Variants in CD9 observed in about 807,000 individuals in gnomAD.
CD9 encodes the protein CD9 antigen.
CD9 carries 10 observed loss-of-function variants against 31.4 expected under a neutral mutation model. That is an observed-to-expected ratio of 0.32 (90% CI 0.20 to 0.54). CD9 has a LOEUF of 0.54. Among genes scored for constraint, CD9 ranks in the 20% least tolerant of loss-of-function variants. The pLI is 0.94. For synonymous variants in CD9, 113 were observed against 114.1 expected (o/e 0.99, Z 0.06); for missense variants, 259 against 300.1 (o/e 0.86, Z 1.01).
upstream of CD9, chr12:6,200,366 C>T: frequency 1.8e-6 from 1 of 568,678 alleles, no homozygotes; most frequent in Non-Finnish European, 3.3e-6. Context: ...TAAGGAGTGG[C>T]ACTTTTTAAA....
intron 1 of CD9, among the ~76,000 whole-genome samples, chr12:6,206,706 G>A (rs969704304): frequency 4.6e-5 from 7 of 151,972 alleles, no homozygotes; most frequent in Non-Finnish European, 7.4e-5. Context: ...TATAATAATT[G>A]TATCTATCTG....
chr12:6,217,591 G>T (rs1055286316), intron 1 of CD9, among the ~76,000 whole-genome samples: 1 of 152,122 alleles, frequency 6.6e-6, no homozygotes, highest in Non-Finnish European at 1.5e-5. Flanking sequence ...CAGGCCCTAG[G>T]TGGCACAGCT....
chr12:6,206,137 C>G (rs1946128212), intron 1 of CD9: 1 of 132,314 alleles, frequency 7.6e-6, no homozygotes, highest in African/African-American at 3.0e-5. Context: ...TCCTTTGCAA[C>G]TGGGAAGGAA....
At chr12:6,235,374 T>G in intron 5 of CD9, 47 bp downstream of exon 5, 24 of 1,614,172 alleles carry the variant, frequency 1.5e-5, no homozygotes, top group Non-Finnish European at 1.9e-5. Context: ...CTCCGGATTG[T>G]GTCTGCACAC....
intron 7 of CD9, 131 bp downstream of exon 7, chr12:6,236,406 AT>A: frequency 1.3e-6 from 1 of 745,910 alleles, no homozygotes; most frequent in Non-Finnish European, 2.2e-6. Flanking sequence ...TAGTATTTCC[AT>A]TTTACCACTA....
At chr12:6,217,265 G>A (rs1189626374) in intron 1 of CD9, among the ~76,000 whole-genome samples, 1 of 152,092 alleles carries the variant, frequency 6.6e-6, no homozygotes, top group Non-Finnish European at 1.5e-5. Context: ...GCTCACACCT[G>A]TAATCCCAAG....
At chr12:6,215,420 G>T (rs908498035) in intron 1 of CD9, among the ~76,000 whole-genome samples, 2 of 152,216 alleles carry the variant, frequency 1.3e-5, no homozygotes, top group Non-Finnish European at 2.9e-5. Context: ...GGAAAACAGA[G>T]TGCCGGCCCA....
intron 1 of CD9, among the ~76,000 whole-genome samples, chr12:6,212,239 GC>G (rs1323214991): frequency 6.6e-6 from 1 of 152,150 alleles, no homozygotes; most frequent in Non-Finnish European, 1.5e-5. Context: ...GTGACCACGG[GC>G]AAGTCGCTTT....
intron 4 of CD9, among the ~76,000 whole-genome samples, chr12:6,234,115 G>T (rs1946486168): frequency 6.6e-6 from 1 of 151,768 alleles, no homozygotes; most frequent in Admixed American, 6.6e-5. Context: ...AACCTTGAAT[G>T]AGAGATGCGT....
At chr12:6,204,841 A>C (rs1277962241) in intron 1 of CD9, among the ~76,000 whole-genome samples, 1 of 152,230 alleles carries the variant, frequency 6.6e-6, no homozygotes, top group Non-Finnish European at 1.5e-5. Context: ...AGATGTGGCC[A>C]GGAGGACCCT....
At chr12:6,202,174 T>A (rs1946085362) in intron 1 of CD9, among the ~76,000 whole-genome samples, 1 of 152,186 alleles carries the variant, frequency 6.6e-6, no homozygotes, top group Non-Finnish European at 1.5e-5. Flanking sequence ...TTTTCCAATT[T>A]GCAGAGACTG....
intron 3 of CD9, chr12:6,233,069 G>A (rs995771252): frequency 8.5e-6 from 6 of 702,078 alleles, no homozygotes; most frequent in Admixed American, 6.0e-5. Context: ...TCCACGGAGT[G>A]GATTCGCTCC....
intron 2 of CD9, among the ~76,000 whole-genome samples, chr12:6,228,641 C>T (rs551234661): frequency 6.6e-5 from 10 of 151,852 alleles, no homozygotes; most frequent in South Asian, 4.2e-4. Flanking sequence ...CGTCACTGAA[C>T]GCTTTAGGAA....
intron 1 of CD9, among the ~76,000 whole-genome samples, chr12:6,212,639 A>G (rs1159550516): frequency 3.3e-5 from 5 of 152,236 alleles, no homozygotes; most frequent in Admixed American, 2.0e-4. Context: ...GGGCACCAAC[A>G]ATGCAGGCAG....
upstream of CD9, chr12:6,200,056 A>C (rs1591958689): frequency 6.6e-6 from 1 of 152,368 alleles, no homozygotes; most frequent in African/African-American, 2.4e-5. Flanking sequence ...GGGGAACCGG[A>C]AGGGCGAGGC....
At chr12:6,223,660 C>T (rs190562151) in intron 1 of CD9, among the ~76,000 whole-genome samples, 1 of 152,122 alleles carries the variant, frequency 6.6e-6, no homozygotes, top group Admixed American at 6.5e-5. Context: ...TGTCTAGTCC[C>T]TTGTGTACGT....
At chr12:6,225,275 C>T (rs1946348632) in intron 1 of CD9, 151 bp from the exon 2 acceptor site, 1 of 614,226 alleles carries the variant, frequency 1.6e-6, no homozygotes, top group Non-Finnish European at 3.0e-6. Flanking sequence ...TCAAACACAC[C>T]CCGTAATGGC....
intron 1 of CD9, among the ~76,000 whole-genome samples, chr12:6,222,839 G>T (rs955033849): frequency 6.6e-6 from 1 of 152,206 alleles, no homozygotes; most frequent in Non-Finnish European, 1.5e-5. Flanking sequence ...TGTGCAGAGC[G>T]TAGCTTTACC....
chr12:6,219,167 G>A lies in CD9; in HGVS notation c.67-6259G>A, dbSNP rs139690145. 1.6e-3 allele frequency among the ~76,000 whole-genome samples: 244 copies of A among 152,050 alleles called. 2 individuals are homozygous for A. The highest frequency in any genetic ancestry group is 6.8e-3 in the Middle Eastern group (2 of 294). ...ACTACAGGCACACACCACCACGCCC[G>A]GCTAATTTTTGTAGTTTTAGTAGAG... On this transcript the variant is annotated intron_variant, in intron 1 of 7. Coordinates refer to ENST00000009180, the MANE Select transcript of CD9 (RefSeq NM_001769.4).
Sources: allele counts gnomAD v4.1 joint callset (sites outside exome capture counted in the v4.1 genomes callset), GRCh38; gene constraint gnomAD v4.1.1; transcripts MANE v1.5; gene names NCBI Gene and HGNC (gene_info 2026-07-23, HGNC 2026-07-21).